Variants in DAAM2 observed in about 807,000 individuals in gnomAD.
DAAM2 encodes disheveled-associated activator of morphogenesis 2.
Under a neutral mutation model 120.7 loss-of-function variants are expected in DAAM2, and 39 were observed. The observed-to-expected ratio is 0.32, with a 90% CI of 0.25 to 0.42. The LOEUF is 0.42. Ranked by LOEUF, DAAM2 falls within the 10% of genes least tolerant of loss-of-function variation. DAAM2 has a pLI of 1.00. For missense variants in DAAM2, 1,283 were observed against 1,401.7 expected (o/e 0.92, Z 1.35); for synonymous variants, 488 against 524.9 (o/e 0.93, Z 0.96).
intron 1 of DAAM2, among the ~76,000 whole-genome samples, chr6:39,815,462 A>G (rs1315044930): frequency 6.6e-6 from 1 of 152,164 alleles, no homozygotes; most frequent in Non-Finnish European, 1.5e-5. Flanking sequence ...CCTAATATGA[A>G]ATAACCATGG....
chr6:39,856,765 A>C (rs77993553), intron 2 of DAAM2, among the ~76,000 whole-genome samples: 1,862 of 152,344 alleles, frequency 0.012, 20 homozygotes, highest in East Asian at 0.059. Flanking sequence ...TGGGTTTTGC[A>C]AAATAAGATG....
At chr6:39,863,599 C>T (rs1764304117) in intron 3 of DAAM2, among the ~76,000 whole-genome samples, 1 of 152,086 alleles carries the variant, frequency 6.6e-6, no homozygotes, top group Non-Finnish European at 1.5e-5. Context: ...CCAAAGTGAC[C>T]TGGGGCACAG....
chr6:39,891,294 T>G, intron 17 of DAAM2, 47 bp from the exon 18 acceptor site: 2 of 1,442,620 alleles, frequency 1.4e-6, no homozygotes, highest in Non-Finnish European at 1.9e-6. Flanking sequence ...GTACCCCATG[T>G]CTGCTGCTCA....
chr6:39,875,746 C>T (rs1222031131), intron 11 of DAAM2, among the ~76,000 whole-genome samples: 1 of 152,118 alleles, frequency 6.6e-6, no homozygotes, highest in African/African-American at 2.4e-5. Context: ...TTTCAATAGC[C>T]ACATGACACG....
In DAAM2 at chr6:39,901,615, A is replaced by C; in HGVS notation, c.2982+143A>C. The stretch of plus-strand genomic sequence containing the variant: ...GGGTTGGATGTCAGCCCCAGGAGAG[A>C]GAAACTTCTTCCCAGCCTGAGGGAA... On this transcript the variant is annotated intron_variant, in intron 24 of 24. Transcript: ENST00000274867. The surrounding 1 kb of genome is among the most constrained non-coding windows in gnomAD (Gnocchi z 4.5). 1 of 1,085,650 alleles carries C rather than the reference A, an allele frequency of 9.2e-7. No individual in the cohort carries two copies. Among genetic ancestry groups the C allele is most frequent in the Non-Finnish European group, 1.3e-6 (1 of 778,138 alleles). The allele number at this position is 1,085,650 out of a possible 1,614,324, so 67.3% of individuals were successfully genotyped here.
chr6:39,846,739 C>G, intron 1 of DAAM2, among the ~76,000 whole-genome samples: 1 of 151,808 alleles, frequency 6.6e-6, no homozygotes, highest in Non-Finnish European at 1.5e-5. Context: ...CTCTGTTGCC[C>G]CACATCCACA....
At chr6:39,891,475 A>G in intron 18 of DAAM2, 28 bp downstream of exon 18, 3 of 1,580,460 alleles carry the variant, frequency 1.9e-6, no homozygotes, top group Admixed American at 1.8e-5. Flanking sequence ...GTGGGGATTC[A>G]AGCAGGTGGG....
chr6:39,820,491 G>A (rs902926040), intron 1 of DAAM2: 1 of 152,118 alleles, frequency 6.6e-6, no homozygotes, highest in Non-Finnish European at 1.5e-5. Flanking sequence ...GAGCTTCCAC[G>A]TAGAATACAT....
chr6:39,822,230 C>G (rs529803927), intron 1 of DAAM2: 1 of 152,416 alleles, frequency 6.6e-6, no homozygotes, highest in East Asian at 1.9e-4. Flanking sequence ...CACAGGTGAG[C>G]TTCCTGGCCT....
At chr6:39,828,023 A>G (rs1370799154) in intron 1 of DAAM2, among the ~76,000 whole-genome samples, 1 of 152,166 alleles carries the variant, frequency 6.6e-6, no homozygotes, top group African/African-American at 2.4e-5. Flanking sequence ...TTCAGGTAGT[A>G]GGGTTCCCTC....
chr6:39,846,825 A>G (rs1160441876), intron 1 of DAAM2, among the ~76,000 whole-genome samples: 2 of 151,932 alleles, frequency 1.3e-5, no homozygotes, highest in Non-Finnish European at 2.9e-5. Context: ...AGCTCTTAGC[A>G]TGGTACTTAG....
At chr6:39,816,088 G>A (rs978595502) in intron 1 of DAAM2, among the ~76,000 whole-genome samples, 3 of 152,196 alleles carry the variant, frequency 2.0e-5, no homozygotes, top group African/African-American at 7.2e-5. Context: ...CTCTCAGGAT[G>A]CTTTAGTGAT....
rs1407457674 is a variant in DAAM2, at chr6:39,856,333, C to T, written c.31C>T (p.Leu11=). MAPRKRSHHG[L]GFLCCFGGSD... Reference sequence around the variant, plus strand: ...CCCCCGCAAGAGGAGCCACCATGGCCTGGGCTTCCTGTGCTGCTTCGGGGG... The same window carrying T: ...CCCCCGCAAGAGGAGCCACCATGGCTTGGGCTTCCTGTGCTGCTTCGGGGG... The change falls in exon 2 of 25, where the codon CTG becomes TTG. Residue 11 remains leucine (L), a synonymous_variant. Transcript: ENST00000274867. 7 of 1,550,762 alleles carry T rather than the reference C, an allele frequency of 4.5e-6. No homozygotes were observed. In the South Asian group the frequency reaches 8.6e-5, roughly 19 times the overall value.
intron 1 of DAAM2, among the ~76,000 whole-genome samples, chr6:39,852,477 C>G (rs1174160575): frequency 2.6e-5 from 4 of 152,130 alleles, no homozygotes; most frequent in East Asian, 1.9e-4. Flanking sequence ...AGGCACATTC[C>G]CAGAATGCCA....
In DAAM2 at chr6:39,891,659, C is replaced by T; in HGVS notation, c.2278C>T (p.Gln760Ter). 1 of 1,611,664 alleles carries T rather than the reference C, an allele frequency of 6.2e-7. No individual in the cohort carries two copies. The highest frequency in any genetic ancestry group is 8.5e-7 in the Non-Finnish European group (1 of 1,178,910). ...SRIDHYQQRL[Q>*]ALFFKKKFQE... The stretch of plus-strand genomic sequence containing the variant: ...GATTGACCACTACCAGCAGCGACTG[C>T]AAGCCCTCTTCTTCAAGAAGAAATT... Residue 760 changes from glutamine (Q) to a stop codon, truncating the protein, a stop_gained, in exon 19 of 25, where the codon CAA becomes TAA. Transcript: ENST00000274867. LOFTEE classifies it high-confidence loss of function.
chr6:39,815,166 G>A (rs561131064), intron 1 of DAAM2, among the ~76,000 whole-genome samples: 11 of 152,338 alleles, frequency 7.2e-5, no homozygotes, highest in South Asian at 4.1e-4. Flanking sequence ...TCAAGCTCAC[G>A]TGGTGATCCT....
rs562359272 is a variant in DAAM2 at position 39,887,930 on chromosome 6, C to T, written c.2060+338C>T. On this transcript the variant is annotated intron_variant, in intron 16 of 24. Transcript: ENST00000274867. ...TGCAGAACAAACAGGGCAGTATCTG[C>T]GCTAACAGCACAGCTTCTGTACGGG... The T allele has an allele frequency of 2.3e-4, 63 of 273,038 alleles. 1 individual carries two copies. The highest frequency in any genetic ancestry group is 1.2e-3 in the African/African-American group (56 of 45,084). 16.9% of individuals were successfully genotyped at this position (273,038 alleles called of 1,614,324 possible).
chr6:39,813,486 C>T (rs571696901), intron 1 of DAAM2, among the ~76,000 whole-genome samples: 9 of 152,072 alleles, frequency 5.9e-5, no homozygotes, highest in East Asian at 1.9e-4. Flanking sequence ...AGAGGAAGCA[C>T]GTGAGCTGAG....
At chr6:39,811,790 G>T (rs1435207039) in intron 1 of DAAM2, among the ~76,000 whole-genome samples, 1 of 152,140 alleles carries the variant, frequency 6.6e-6, no homozygotes, top group Non-Finnish European at 1.5e-5. Context: ...TCTGAGAAGG[G>T]TGGCAGGAAC....
Sources: allele counts gnomAD v4.1 joint callset (sites outside exome capture counted in the v4.1 genomes callset), GRCh38; gene constraint gnomAD v4.1.1; non-coding constraint Gnocchi (gnomAD v3.1); transcripts MANE v1.5; gene names NCBI Gene and HGNC (gene_info 2026-07-23, HGNC 2026-07-21).